GRM5: variants seen among roughly 807,000 people sequenced by gnomAD.
The protein encoded by GRM5 is glutamate metabotropic receptor 5.
Under a neutral mutation model 83.1 loss-of-function variants are expected in GRM5, and 19 were observed. The ratio of observed to expected loss-of-function variants is 0.23; its 90% CI spans 0.16 to 0.34. The LOEUF is 0.34. Ranked by LOEUF, GRM5 falls within the 10% of genes least tolerant of loss-of-function variation. The pLI, the probability that GRM5 is intolerant of heterozygous loss-of-function variation, is 1.00. For synonymous variants in GRM5, 675 were observed against 633.6 expected, an observed-to-expected ratio of 1.07 and a Z score of -0.98; for missense variants, 1,160 against 1,588.3, an observed-to-expected ratio of 0.73 and a Z score of 4.58.
intron 2 of GRM5, among the ~76,000 whole-genome samples, chr11:88,929,169 G>A (rs1236788508): frequency 6.6e-6 from 1 of 151,894 alleles, no homozygotes; most frequent in Non-Finnish European, 1.5e-5. Flanking sequence ...TAGGTCCTTG[G>A]TTCTGGCTTA....
intron 2 of GRM5, among the ~76,000 whole-genome samples, chr11:88,992,367 G>A (rs1162478740): frequency 6.6e-6 from 1 of 151,704 alleles, no homozygotes; most frequent in Non-Finnish European, 1.5e-5. Context: ...TCAGGAAACA[G>A]CAGGTGCTGG....
intron 3 of GRM5, among the ~76,000 whole-genome samples, chr11:88,776,882 C>T (rs564625650): frequency 4.6e-5 from 7 of 152,200 alleles, no homozygotes; most frequent in African/African-American, 7.2e-5. Context: ...CTTTTTCCTT[C>T]ATTTCAACCT....
At chr11:88,892,284 T>C (rs1437373741) in intron 2 of GRM5, among the ~76,000 whole-genome samples, 2 of 151,926 alleles carry the variant, frequency 1.3e-5, no homozygotes, top group Non-Finnish European at 2.9e-5. Context: ...TAAAAGCACC[T>C]TGGGGAAGAC....
chr11:89,055,611 C>G (rs1394683893), intron 1 of GRM5, among the ~76,000 whole-genome samples: 1 of 151,978 alleles, frequency 6.6e-6, no homozygotes, highest in Non-Finnish European at 1.5e-5. Flanking sequence ...ACTCAAAACA[C>G]AATTTTAATC....
At chr11:88,694,575 C>A (rs916853836) in intron 3 of GRM5, among the ~76,000 whole-genome samples, 1 of 150,670 alleles carries the variant, frequency 6.6e-6, no homozygotes, top group African/African-American at 2.4e-5. Flanking sequence ...TTAACGAGAG[C>A]ATGCCAATGA....
intron 2 of GRM5, among the ~76,000 whole-genome samples, chr11:88,852,347 C>T (rs779727603): frequency 2.0e-5 from 3 of 152,074 alleles, no homozygotes; most frequent in Non-Finnish European, 2.9e-5. Context: ...TGAAGTAACA[C>T]TGCTTAATAT....
rs530368888 is a variant in GRM5, at chr11:88,991,886, G to A, written c.661+55326C>T. 9.2e-3 allele frequency among the ~76,000 whole-genome samples: 1,395 copies of A among 152,102 alleles called. 6 individuals carry two copies. Among genetic ancestry groups the A allele is most frequent in the Middle Eastern group, 0.02 (6 of 294 alleles). On this transcript the variant is annotated intron_variant, in intron 2 of 9. Coordinates refer to ENST00000305447, the MANE Select transcript of GRM5 (RefSeq NM_001143831.3). ...TTCAAGATGGATTAAAGACTTAAAC[G>A]TTAGACCTAAAACCATAAAAACCCT...
At chr11:88,898,376 C>T (rs955246068) in intron 2 of GRM5, among the ~76,000 whole-genome samples, 1 of 151,966 alleles carries the variant, frequency 6.6e-6, no homozygotes, top group African/African-American at 2.4e-5. Flanking sequence ...TAGTAATGGG[C>T]ATTTGGACTT....
At chr11:88,955,447 T>G (rs1157817298) in intron 2 of GRM5, among the ~76,000 whole-genome samples, 1 of 152,220 alleles carries the variant, frequency 6.6e-6, no homozygotes, top group Non-Finnish European at 1.5e-5. Context: ...ATGTTAACTC[T>G]TGATGAAGGC....
At chr11:88,804,453 G>A (rs35013840) in intron 3 of GRM5, among the ~76,000 whole-genome samples, 41,567 of 150,350 alleles carry the variant, frequency 0.28, 6,855 homozygotes, top group Non-Finnish European at 0.38. Context: ...ACCAAACACC[G>A]CATATTCTCA....
At chr11:88,986,783 T>C (rs1939730532) in intron 2 of GRM5, among the ~76,000 whole-genome samples, 1 of 137,156 alleles carries the variant, frequency 7.3e-6, no homozygotes, top group Non-Finnish European at 1.5e-5. Context: ...CAAAAATCAC[T>C]GGGAAGACCA....
Position 88,520,232 on chromosome 11 carries a change from C to A in GRM5, c.2726+5077G>T, listed in dbSNP as rs553598291. On this transcript the variant is annotated intron_variant, in intron 9 of 9. Coordinates refer to ENST00000305447, the MANE Select transcript of GRM5 (RefSeq NM_001143831.3). Reference sequence around the variant, plus strand: ...AGCAATGTTACTAATTCTTCTTCTTCTTATTTTTTAGAATATGTTAGAATA... The same window carrying A: ...AGCAATGTTACTAATTCTTCTTCTTATTATTTTTTAGAATATGTTAGAATA... Among the ~76,000 whole-genome samples, 22 of 152,164 alleles carry A rather than the reference C, an allele frequency of 1.4e-4. No homozygotes were observed. The South Asian group carries it at 1.7e-3, about 11-fold the overall frequency.
chr11:88,854,472 A>C (rs1370575675), intron 2 of GRM5, among the ~76,000 whole-genome samples: 1 of 152,052 alleles, frequency 6.6e-6, no homozygotes, highest in Non-Finnish European at 1.5e-5. Context: ...ATACTGTTTA[A>C]AGCTAGTGCT....
intron 1 of GRM5, among the ~76,000 whole-genome samples, chr11:89,053,630 C>T (rs914835994): frequency 6.9e-6 from 1 of 145,432 alleles, no homozygotes; most frequent in Non-Finnish European, 1.5e-5. Flanking sequence ...AGACAAGAAA[C>T]AAAATAAATA....
chr11:88,726,636 G>A (rs912216156), intron 3 of GRM5, among the ~76,000 whole-genome samples: 1 of 152,176 alleles, frequency 6.6e-6, no homozygotes, highest in African/African-American at 2.4e-5. Flanking sequence ...AGAGCAGCCA[G>A]AGAGAAAGGT....
intron 3 of GRM5, among the ~76,000 whole-genome samples, chr11:88,803,500 T>A (rs1943439873): frequency 6.6e-6 from 1 of 152,092 alleles, no homozygotes; most frequent in Admixed American, 6.5e-5. Context: ...AAGCTGAAAC[T>A]GGATCCCTTC....
chr11:88,970,765 T>G (rs1482563961), intron 2 of GRM5, among the ~76,000 whole-genome samples: 1 of 152,182 alleles, frequency 6.6e-6, no homozygotes, highest in Non-Finnish European at 1.5e-5. Context: ...AAAGTTCAGC[T>G]TTCAGGTGTT....
At chr11:88,994,078 A>G in intron 2 of GRM5, among the ~76,000 whole-genome samples, 1 of 152,188 alleles carries the variant, frequency 6.6e-6, no homozygotes, top group Admixed American at 6.5e-5. Flanking sequence ...GTTACTAACA[A>G]TGAACCATCC....
At chr11:88,610,779 A>C (rs928474579) in intron 4 of GRM5, among the ~76,000 whole-genome samples, 2 of 152,110 alleles carry the variant, frequency 1.3e-5, no homozygotes. Flanking sequence ...AAGATAGTGG[A>C]TATTCTTGTC....
Sources: allele counts gnomAD v4.1 joint callset (sites outside exome capture counted in the v4.1 genomes callset), GRCh38; gene constraint gnomAD v4.1.1; transcripts MANE v1.5; gene names NCBI Gene and HGNC (gene_info 2026-07-23, HGNC 2026-07-21).